The following UNC13C variants were observed in gnomAD, a reference collection of about 807,000 sequenced individuals.
The protein encoded by UNC13C is unc-13 homolog C.
In UNC13C, 174 loss-of-function variants were observed where a neutral mutation model predicts 245.4. That is an observed-to-expected ratio of 0.71 (90% CI 0.63 to 0.80). The LOEUF is 0.80. UNC13C is among the 30% of genes least tolerant of loss of function. The pLI, the probability that UNC13C is intolerant of heterozygous loss-of-function variation, is 0.00. For missense variants in UNC13C, 2,829 were observed against 2,602.9 expected (o/e 1.09, Z -1.89); for synonymous variants, 992 against 895.1 (o/e 1.11, Z -1.93).
intron 14 of UNC13C, among the ~76,000 whole-genome samples, chr15:54,323,242 C>G (rs2038212034): frequency 6.6e-6 from 1 of 151,982 alleles, no homozygotes. Context: ...TGTGTTTACT[C>G]TTTTTCTGTC....
At chr15:54,392,045 A>C (rs999086202) in intron 17 of UNC13C, among the ~76,000 whole-genome samples, 1 of 152,086 alleles carries the variant, frequency 6.6e-6, no homozygotes, top group Non-Finnish European at 1.5e-5. Flanking sequence ...TTCTGGAGCC[A>C]TAAGTTGATG....
intron 13 of UNC13C, among the ~76,000 whole-genome samples, chr15:54,301,529 A>G (rs150521274): frequency 6.6e-6 from 1 of 152,248 alleles, no homozygotes; most frequent in Non-Finnish European, 1.5e-5. Context: ...TTGAGTGAGA[A>G]CATGCAGTGT....
Position 54,320,036 on chromosome 15 carries a change from T to C in UNC13C, c.4269-1903T>C, listed in dbSNP as rs987603655. 2.0e-5 allele frequency among the ~76,000 whole-genome samples: 3 copies of C among 152,146 alleles called. No individual in the cohort carries two copies. In the East Asian group the frequency reaches 5.8e-4, roughly 30 times the overall value. ...TTCATCTGTTTGCCTAATTAAATCTTGTCTGTAACAAAGTGCTTAGAAAAG... is the reference window on the plus strand; with the variant it reads ...TTCATCTGTTTGCCTAATTAAATCTCGTCTGTAACAAAGTGCTTAGAAAAG... On this transcript the variant is annotated intron_variant, in intron 13 of 32. Coordinates refer to ENST00000260323, the MANE Select transcript of UNC13C (RefSeq NM_001080534.3).
chr15:54,567,824 G>T lies in UNC13C; in HGVS notation c.5983G>T (p.Gly1995Cys), dbSNP rs773976629. 9.4e-6 allele frequency: 15 copies of T among 1,603,270 alleles called. No homozygotes were observed. The highest frequency in any genetic ancestry group is 6.0e-6 in the Non-Finnish European group (7 of 1,174,250). Reference protein sequence around the residue: ...IKQYFHAGGNGLKKNFLEKSP... With the variant: ...IKQYFHAGGNCLKKNFLEKSP... ...GCAATACTTTCATGCAGGAGGAAAT[G>T]GCCTGAAAAAGAATTTCTTGGAGAA... Residue 1995 changes from glycine to cysteine, a missense_variant, in exon 30 of 33, where the codon GGC (glycine) becomes TGC (cysteine). Gly to Cys is a radical substitution (Grantham distance 159, BLOSUM62 -3). Transcript: ENST00000260323.
chr15:54,009,706 T>C (rs1236126087), intron 1 of UNC13C, among the ~76,000 whole-genome samples: 2 of 152,016 alleles, frequency 1.3e-5, no homozygotes, highest in East Asian at 1.9e-4. Flanking sequence ...ACCACCACAC[T>C]TGGCTAATTT....
chr15:54,142,650 G>T (rs2032076052), intron 2 of UNC13C, among the ~76,000 whole-genome samples: 1 of 152,182 alleles, frequency 6.6e-6, no homozygotes, highest in East Asian at 1.9e-4. Flanking sequence ...GTATTTCAGA[G>T]TTGGATCTAG....
the UNC13C span, among the ~76,000 whole-genome samples, chr15:53,839,141 A>G: frequency 6.6e-6 from 1 of 151,976 alleles, no homozygotes; most frequent in Non-Finnish European, 1.5e-5. Flanking sequence ...ATATATGGGC[A>G]GGTGTGTGTG....
At chr15:54,317,169 G>A (rs571352895) in intron 13 of UNC13C, among the ~76,000 whole-genome samples, 3 of 151,944 alleles carry the variant, frequency 2.0e-5, no homozygotes, top group Non-Finnish European at 4.4e-5. Flanking sequence ...ACTATACATT[G>A]AAGTTATTTT....
the UNC13C span, among the ~76,000 whole-genome samples, chr15:53,890,928 C>A: frequency 3.3e-5 from 5 of 152,048 alleles, no homozygotes; most frequent in Admixed American, 1.3e-4. Context: ...TCTGCTGTTG[C>A]TTTCCTAGTT....
rs1437465619 is a variant in UNC13C, at chr15:54,265,404, T to C, written c.3726T>C (p.Asp1242=). 8 of 1,588,884 alleles carry C rather than the reference T, an allele frequency of 5.0e-6. No homozygotes were observed. The highest frequency in any genetic ancestry group is 6.9e-6 in the Non-Finnish European group (8 of 1,165,580). The change falls in exon 10 of 33, where the codon GAT becomes GAC. Residue 1242 remains aspartate (D), a synonymous_variant. Transcript: ENST00000260323. The stretch of plus-strand genomic sequence containing the variant: ...CAAAAGATAAAACAGGGTCTAGTGA[T>C]CCATATGTTACAGTTCAAGTTGGAA... ...LQAKDKTGSS[D]PYVTVQVGKN...
At chr15:54,235,721 G>T (rs1301216744) in intron 5 of UNC13C, among the ~76,000 whole-genome samples, 1 of 152,064 alleles carries the variant, frequency 6.6e-6, no homozygotes, top group Non-Finnish European at 1.5e-5. Flanking sequence ...AGTGGTTGTG[G>T]GCACCTGTAG....
chr15:54,438,112 G>C (rs1890319059), intron 19 of UNC13C, among the ~76,000 whole-genome samples: 1 of 151,712 alleles, frequency 6.6e-6, no homozygotes, highest in African/African-American at 2.4e-5. Flanking sequence ...AAAGCCTATA[G>C]ACTCATCTAT....
At chr15:53,952,946 C>A in the UNC13C span, among the ~76,000 whole-genome samples, 1 of 152,046 alleles carries the variant, frequency 6.6e-6, no homozygotes, top group Non-Finnish European at 1.5e-5. Flanking sequence ...ATGAACACAG[C>A]AAAATAAGAT....
chr15:54,182,364 T>C (rs2033831024), intron 4 of UNC13C, among the ~76,000 whole-genome samples: 1 of 152,122 alleles, frequency 6.6e-6, no homozygotes. Flanking sequence ...TGAACCAACC[T>C]TGCATCCCAG....
At chr15:54,624,484 G>C (rs1291468548) in intron 32 of UNC13C, among the ~76,000 whole-genome samples, 1 of 152,154 alleles carries the variant, frequency 6.6e-6, no homozygotes, top group African/African-American at 2.4e-5. Context: ...AAAGGAGTGA[G>C]ATCCAAGTGA....
chr15:54,219,733 G>A (rs2035162753), intron 4 of UNC13C, among the ~76,000 whole-genome samples: 1 of 151,628 alleles, frequency 6.6e-6, no homozygotes, highest in East Asian at 1.9e-4. Flanking sequence ...AATCTACAAT[G>A]AACTCAAACA....
intron 29 of UNC13C, among the ~76,000 whole-genome samples, chr15:54,555,900 T>C (rs8041462): frequency 0.061 from 9,315 of 152,080 alleles, 392 homozygotes; most frequent in Admixed American, 0.13. Context: ...CAGAATTTGT[T>C]TTTATATGTT....
At chr15:54,387,900 T>A (rs1290342067) in intron 17 of UNC13C, among the ~76,000 whole-genome samples, 1 of 152,200 alleles carries the variant, frequency 6.6e-6, no homozygotes, top group Non-Finnish European at 1.5e-5. Flanking sequence ...GTTGCTAAGA[T>A]CTTTAATCAT....
At position 54,413,908 on chromosome 15, in the gene UNC13C, T is replaced by G. The variant is rs111509932; in HGVS notation, c.4848-1074T>G. 7.0e-3 allele frequency among the ~76,000 whole-genome samples: 1,064 copies of G among 152,294 alleles called. 3 individuals are homozygous for G. The highest frequency in any genetic ancestry group is 9.7e-3 in the Non-Finnish European group (663 of 68,022). On this transcript the variant is annotated intron_variant, in intron 18 of 32. Transcript: ENST00000260323. ...TCATGTGTGCAAGTCTGTATATATA[T>G]AGAGAGAAAATACTTCTAGTCTTAC...
Sources: gnomAD v4.1 joint callset for allele counts (sites outside exome capture counted in the v4.1 genomes callset) on GRCh38, gnomAD v4.1.1 for gene constraint, MANE v1.5 for transcripts, NCBI Gene and HGNC (gene_info 2026-07-23, HGNC 2026-07-21) for gene names.